FOXP1: variants seen among roughly 807,000 people sequenced by gnomAD.
FOXP1 encodes the protein forkhead box protein P1.
FOXP1 carries 15 observed loss-of-function variants against 98.2 expected under a neutral mutation model. The ratio of observed to expected loss-of-function variants is 0.15; its 90% CI spans 0.10 to 0.24. The LOEUF is 0.24. FOXP1 is among the 10% of genes least tolerant of loss of function. FOXP1 has a pLI of 1.00. For missense variants in FOXP1, 633 were observed against 848.5 expected, an observed-to-expected ratio of 0.75 and a Z score of 3.15; for synonymous variants, 371 against 314.5, an observed-to-expected ratio of 1.18 and a Z score of -1.90.
intron 3 of FOXP1, among the ~76,000 whole-genome samples, chr3:71,385,496 G>C (rs1335771137): frequency 6.6e-6 from 1 of 152,148 alleles, no homozygotes; most frequent in Non-Finnish European, 1.5e-5. Context: ...TCTGGGGAGA[G>C]ACTGACGCCT....
At chr3:71,256,733 G>A (rs1442426520) in intron 5 of FOXP1, among the ~76,000 whole-genome samples, 1 of 152,142 alleles carries the variant, frequency 6.6e-6, no homozygotes, top group Non-Finnish European at 1.5e-5. Flanking sequence ...GTTGCATGTA[G>A]GCTGGGACTC....
In FOXP1 at chr3:71,102,994, A is replaced by G. The variant is rs1194528040; in HGVS notation, c.282+9542T>C. 5.9e-5 allele frequency among the ~76,000 whole-genome samples: 9 copies of G among 152,330 alleles called. No homozygotes were observed. The East Asian group carries it at 1.4e-3, about 23-fold the overall frequency. On this transcript the variant is annotated intron_variant, in intron 7 of 20. Coordinates refer to ENST00000649528, the MANE Select transcript of FOXP1 (RefSeq NM_001349338.3). ...GGTTGTTGTACAGTAGTTGGCTCCT[A>G]GAAAGTACTATATAGTATTTACTAT...
chr3:71,267,144 T>TGG (rs2069769855), intron 5 of FOXP1, among the ~76,000 whole-genome samples: 2 of 152,118 alleles, frequency 1.3e-5, no homozygotes, highest in African/African-American at 4.8e-5. Flanking sequence ...TGTGTGTGTG[T>TGG]GTGTGTGTGT....
intron 13 of FOXP1, among the ~76,000 whole-genome samples, chr3:70,991,911 A>C (rs1286698757): frequency 6.6e-6 from 1 of 152,180 alleles, no homozygotes; most frequent in Non-Finnish European, 1.5e-5. Flanking sequence ...CAATAACTCA[A>C]ATCATAGGTC....
Position 71,535,852 on chromosome 3 carries a change from C to A in FOXP1, c.-297-42297G>T, listed in dbSNP as rs183503372. On this transcript the variant is annotated intron_variant, in intron 2 of 20. Transcript: ENST00000649528. ...CAGAGTCCTAAAGATATCCCAAGATCCTTCTAATACACACAACGCCTCCCC... is the reference window on the plus strand; with the variant it reads ...CAGAGTCCTAAAGATATCCCAAGATACTTCTAATACACACAACGCCTCCCC... Among the ~76,000 whole-genome samples the A allele has an allele frequency of 6.6e-5, 10 of 152,324 alleles. No homozygotes were observed. The East Asian group carries it at 1.9e-3, about 29-fold the overall frequency.
intron 3 of FOXP1, among the ~76,000 whole-genome samples, chr3:71,433,219 T>C (rs916552348): frequency 2.0e-5 from 3 of 152,212 alleles, no homozygotes; most frequent in Non-Finnish European, 4.4e-5. Context: ...CATGAACTAT[T>C]GACATACAAG....
intron 5 of FOXP1, among the ~76,000 whole-genome samples, chr3:71,273,722 G>A (rs2070618622): frequency 1.3e-5 from 2 of 152,168 alleles, no homozygotes; most frequent in African/African-American, 2.4e-5. Flanking sequence ...AAACTGGGGG[G>A]AGGGAGAGAA....
intron 7 of FOXP1, among the ~76,000 whole-genome samples, chr3:71,058,893 A>T (rs868353517): frequency 3.0e-5 from 4 of 135,514 alleles, no homozygotes; most frequent in African/African-American, 9.0e-5. Flanking sequence ...TTAAAAAAAT[A>T]AAAAAAAAAA....
chr3:71,544,206 T>A lies in FOXP1; in HGVS notation c.-298+37343A>T, dbSNP rs987916015. On this transcript the variant is annotated intron_variant, in intron 2 of 20. Transcript: ENST00000649528. ...CTTAAAAGATATAAATAAAAATATA[T>A]AAATCCTTCTATAAAGGTTAGAAAT... Among the ~76,000 whole-genome samples, 4 of 151,748 alleles carry A rather than the reference T, an allele frequency of 2.6e-5. No individual in the cohort carries two copies. The South Asian group carries it at 8.3e-4, about 31-fold the overall frequency.
At chr3:71,053,378 G>T (rs2050172680) in intron 8 of FOXP1, among the ~76,000 whole-genome samples, 1 of 152,136 alleles carries the variant, frequency 6.6e-6, no homozygotes, top group Non-Finnish European at 1.5e-5. Context: ...CTGCTACCAA[G>T]TCCAATTACA....
chr3:71,330,028 G>A (rs558487832), intron 4 of FOXP1, among the ~76,000 whole-genome samples: 51 of 152,178 alleles, frequency 3.4e-4, no homozygotes, highest in Middle Eastern at 3.4e-3. Flanking sequence ...AGGCAACACA[G>A]GGAGAACCTG....
intron 3 of FOXP1, among the ~76,000 whole-genome samples, chr3:71,399,463 C>T (rs1306688262): frequency 6.6e-6 from 1 of 152,170 alleles, no homozygotes; most frequent in Non-Finnish European, 1.5e-5. Context: ...AAGCAAGTTT[C>T]AAAATAAGCA....
intron 3 of FOXP1, among the ~76,000 whole-genome samples, chr3:71,370,588 A>G (rs1246401689): frequency 6.6e-6 from 1 of 152,160 alleles, no homozygotes; most frequent in Non-Finnish European, 1.5e-5. Context: ...GCACCGGGGC[A>G]CCACTTTGCT....
At chr3:71,162,599 T>C (rs1293633399) in intron 6 of FOXP1, among the ~76,000 whole-genome samples, 7 of 152,212 alleles carry the variant, frequency 4.6e-5, no homozygotes, top group South Asian at 2.1e-4. Context: ...CCCCACCTTA[T>C]TGGAACTTAC....
At chr3:71,243,386 C>A (rs991637327) in intron 5 of FOXP1, among the ~76,000 whole-genome samples, 1 of 152,158 alleles carries the variant, frequency 6.6e-6, no homozygotes, top group Admixed American at 6.5e-5. Context: ...CAGGAATGTG[C>A]GAGCACAGTC....
chr3:71,158,021 G>A (rs2060909256), intron 6 of FOXP1, among the ~76,000 whole-genome samples: 1 of 150,502 alleles, frequency 6.6e-6, no homozygotes, highest in Non-Finnish European at 1.5e-5. Context: ...TTGGAGGGCA[G>A]AGGTTACAGT....
At position 70,954,890 on chromosome 3, in the gene FOXP1, A is replaced by C. The variant is rs2031405472; in HGVS notation, c.*4357T>G. On this transcript the variant is annotated 3_prime_UTR_variant, in exon 21 of 21. Transcript: ENST00000649528. ...ATGCCTTATCAAAACAAAACAAAAC[A>C]AAACAAAAAAATTCTTGTTACTGGC... is the stretch of plus-strand genomic sequence containing the variant. 4.3e-6 allele frequency: 1 copy of C among 232,906 alleles called. No individual in the cohort carries two copies. Among genetic ancestry groups the C allele is most frequent in the Non-Finnish European group, 8.5e-6 (1 of 117,898 alleles). The allele number at this position is 232,906 out of a possible 1,614,324, so 14.4% of individuals were successfully genotyped here. A position where few individuals can be genotyped will look rare whatever the true frequency, so the allele number is the denominator to read the frequency against.
Position 71,273,901 on chromosome 3 carries a change from T to C in FOXP1, c.-12+25919A>G, listed in dbSNP as rs149834076. On this transcript the variant is annotated intron_variant, in intron 5 of 20. Transcript: ENST00000649528. ...AAAGGCCATTGTGAGGCTAGATAAA[T>C]ACAACTTAATGATAATTCAAATTGT... 3.6e-3 allele frequency among the ~76,000 whole-genome samples: 548 copies of C among 152,280 alleles called. 5 individuals carry two copies. The highest frequency in any genetic ancestry group is 0.013 in the African/African-American group (520 of 41,550).
At chr3:70,979,731 A>T (rs537062794) in intron 14 of FOXP1, among the ~76,000 whole-genome samples, 2 of 151,322 alleles carry the variant, frequency 1.3e-5, no homozygotes, top group Non-Finnish European at 2.9e-5. Context: ...TTATTAAAAG[A>T]GAGTTCCAAT....
Sources: allele counts gnomAD v4.1 joint callset (sites outside exome capture counted in the v4.1 genomes callset), GRCh38; gene constraint gnomAD v4.1.1; transcripts MANE v1.5; gene names NCBI Gene and HGNC (gene_info 2026-07-23, HGNC 2026-07-21).